SAMD7: variants seen among roughly 807,000 people sequenced by gnomAD.
The protein encoded by SAMD7 is sterile alpha motif domain containing 7, also known as sterile alpha motif domain-containing protein 7.
SAMD7 carries 34 observed loss-of-function variants against 36.7 expected under a neutral mutation model. The ratio of observed to expected loss-of-function variants is 0.93; its 90% CI spans 0.71 to 1.23. The LOEUF (loss-of-function observed/expected upper bound fraction) is 1.23. SAMD7 is among the 50% of genes most tolerant of loss of function. SAMD7 has a pLI of 0.00. For synonymous variants in SAMD7, 188 were observed against 189.7 expected, an observed-to-expected ratio of 0.99 and a Z score of 0.07; for missense variants, 570 against 546.6, an observed-to-expected ratio of 1.04 and a Z score of -0.43.
chr3:169,932,981 TC>T (rs1163528003), intron 7 of SAMD7: 12 of 712,822 alleles, frequency 1.7e-5, no homozygotes, highest in South Asian at 2.8e-5. Context: ...AAGCATTCTT[TC>T]CCCCCCTCTA....
In SAMD7 at chr3:169,926,610, CA is replaced by C; in HGVS notation, c.350del (p.Lys117ArgfsTer3). The C allele has an allele frequency of 6.2e-7, 1 of 1,613,430 alleles. No individual in the cohort carries two copies. The highest frequency in any genetic ancestry group is 8.5e-7 in the Non-Finnish European group (1 of 1,179,728). On this transcript the variant is annotated frameshift_variant, in exon 6 of 9. Coordinates refer to ENST00000335556, the MANE Select transcript of SAMD7 (RefSeq NM_001304366.2). LOFTEE classifies it high-confidence loss of function. Reference sequence around the variant, plus strand: ...AAAGGAGAATGGAAAAAATTAATCCCAAGGGACTAGCAGGCCTAGGGATACC... The same window carrying C: ...AAAGGAGAATGGAAAAAATTAATCCCAGGGACTAGCAGGCCTAGGGATACC... ...QQRRMEKINP[K>X]GLAGLGIPFL...
At chr3:169,914,198 G>A (rs1463601166) in intron 1 of SAMD7, among the ~76,000 whole-genome samples, 1 of 152,174 alleles carries the variant, frequency 6.6e-6, no homozygotes, top group African/African-American at 2.4e-5. Context: ...GTGCATGTGT[G>A]TGTTGGGGGA....
At chr3:169,934,475 A>G (rs1034133892) in intron 7 of SAMD7, among the ~76,000 whole-genome samples, 4 of 152,208 alleles carry the variant, frequency 2.6e-5, no homozygotes, top group African/African-American at 7.2e-5. Context: ...GATCAATCAC[A>G]GTACCTGGTT....
intron 5 of SAMD7, 79 bp downstream of exon 5, chr3:169,925,215 A>G: frequency 8.7e-6 from 7 of 800,016 alleles, no homozygotes; most frequent in African/African-American, 1.7e-5. Flanking sequence ...CATATAACAA[A>G]TGAATAGATG....
intron 7 of SAMD7, among the ~76,000 whole-genome samples, chr3:169,934,530 A>G (rs1713645973): frequency 6.6e-6 from 1 of 152,140 alleles, no homozygotes; most frequent in Admixed American, 6.5e-5. Flanking sequence ...GGTAGGAAAG[A>G]TAGTCTGGAA....
chr3:169,921,407 C>A lies in SAMD7; in HGVS notation c.211+69C>A, dbSNP rs543005772. On this transcript the variant is annotated intron_variant, in intron 4 of 8. Coordinates refer to ENST00000335556, the MANE Select transcript of SAMD7 (RefSeq NM_001304366.2). ...GAACTGGATGGATGCATTAAGTTTG[C>A]CATCAAATTACTCCTAAATTTTGGA... 1.1e-5 allele frequency: 17 copies of A among 1,507,324 alleles called. No individual in the cohort carries two copies. The Admixed American group carries it at 1.9e-4, about 17-fold the overall frequency. 93.4% of individuals were successfully genotyped at this position (1,507,324 alleles called of 1,614,324 possible). A position where few individuals can be genotyped will look rare whatever the true frequency, so the allele number is the denominator to read the frequency against.
chr3:169,927,502 G>A (rs988347208), intron 6 of SAMD7, among the ~76,000 whole-genome samples: 1 of 151,694 alleles, frequency 6.6e-6, no homozygotes, highest in African/African-American at 2.4e-5. Flanking sequence ...TCACCATGTT[G>A]GCCAGGATGG....
At chr3:169,918,557 T>A (rs1475946614) in intron 2 of SAMD7, among the ~76,000 whole-genome samples, 1 of 152,228 alleles carries the variant, frequency 6.6e-6, no homozygotes, top group Non-Finnish European at 1.5e-5. Flanking sequence ...AAAAATGTTA[T>A]CCCTTTAACA....
At chr3:169,917,630 T>TTTATTTA (rs1712865010) in intron 2 of SAMD7, among the ~76,000 whole-genome samples, 1 of 149,606 alleles carries the variant, frequency 6.7e-6, no homozygotes, top group South Asian at 2.1e-4. Flanking sequence ...TGTTTGTTTA[T>TTTATTTA]TTATTTATTT....
At chr3:169,915,780 G>A (rs1712772405) in intron 2 of SAMD7, among the ~76,000 whole-genome samples, 1 of 151,654 alleles carries the variant, frequency 6.6e-6, no homozygotes, top group Non-Finnish European at 1.5e-5. Context: ...GTTTCACCAT[G>A]TTGGCCAGGC....
At chr3:169,924,881 C>T (rs953572435) in intron 4 of SAMD7, among the ~76,000 whole-genome samples, 177 bp from the exon 5 acceptor site, 5 of 151,036 alleles carry the variant, frequency 3.3e-5, no homozygotes, top group African/African-American at 4.9e-5. Context: ...CTGTCACCAA[C>T]GTGACTCTAA....
intron 7 of SAMD7, among the ~76,000 whole-genome samples, chr3:169,929,726 G>A (rs1490433725): frequency 6.6e-6 from 1 of 152,160 alleles, no homozygotes; most frequent in Non-Finnish European, 1.5e-5. Flanking sequence ...ATGGCACCTT[G>A]TAAATACTCA....
At chr3:169,937,202 G>A (rs1713750519) in intron 8 of SAMD7, among the ~76,000 whole-genome samples, 1 of 151,946 alleles carries the variant, frequency 6.6e-6, no homozygotes. Flanking sequence ...ACTCCATCCT[G>A]GTCTCAGGCA....
intron 2 of SAMD7, among the ~76,000 whole-genome samples, chr3:169,916,308 T>G (rs1490885677): frequency 1.3e-5 from 2 of 152,172 alleles, no homozygotes; most frequent in Non-Finnish European, 2.9e-5. Flanking sequence ...GGATAAAGTT[T>G]CTTTTATGCT....
chr3:169,927,564 G>A (rs1166188609), intron 6 of SAMD7, among the ~76,000 whole-genome samples: 1 of 151,792 alleles, frequency 6.6e-6, no homozygotes, highest in African/African-American at 2.4e-5. Context: ...CAAAGTGCTG[G>A]GATTACAGGC....
In SAMD7 at chr3:169,938,318, G is replaced by C; in HGVS notation, c.1153G>C (p.Val385Leu). Reference sequence around the variant, plus strand: ...TACTATAATTATTTTGTCTTAAAAGGTATCTCAGCATGTGGGAAGTATGTT... The same window carrying C: ...TACTATAATTATTTTGTCTTAAAAGCTATCTCAGCATGTGGGAAGTATGTT... ...LGPALKIQSQ[V>L]SQHVGSMFYK... Residue 385 changes from valine (V) to leucine (L), a missense_variant and splice_region_variant, in exon 9 of 9, where the codon GTA (valine) becomes CTA (leucine). Physicochemically the swap from Val to Leu is conservative, Grantham distance 32. Transcript: ENST00000335556. 1 of 1,590,090 alleles carries C rather than the reference G, an allele frequency of 6.3e-7. No individual in the cohort carries two copies. The highest frequency in any genetic ancestry group is 8.6e-7 in the Non-Finnish European group (1 of 1,162,986).
In SAMD7 at chr3:169,927,134, A is replaced by G; in HGVS notation, c.872A>G (p.Asp291Gly). ...TCGGAGCAGATTTTTGCAACCTGTGATGAAAAGAATGGGGTTTGCCCTCCA... is the reference window on the plus strand; with the variant it reads ...TCGGAGCAGATTTTTGCAACCTGTGGTGAAAAGAATGGGGTTTGCCCTCCA... ...EASEQIFATC[D>G]EKNGVCPPVP... Residue 291 changes from aspartate (D) to glycine (G), a missense_variant, in exon 6 of 9, where the codon GAT becomes GGT. Transcript: ENST00000335556. The G allele has an allele frequency of 6.4e-7, 1 of 1,565,018 alleles. No individual in the cohort carries two copies. Among genetic ancestry groups the G allele is most frequent in the Non-Finnish European group, 8.6e-7 (1 of 1,162,060 alleles).
At chr3:169,924,588 A>G (rs537976788) in intron 4 of SAMD7, among the ~76,000 whole-genome samples, 4 of 152,242 alleles carry the variant, frequency 2.6e-5, no homozygotes, top group East Asian at 3.9e-4. Context: ...CTCTGTCTCA[A>G]AAAAAAGGAT....
At position 169,917,292 on chromosome 3, in the gene SAMD7, A is replaced by T. The variant is rs1294507778; in HGVS notation, c.-42+1851A>T. 2.0e-5 allele frequency among the ~76,000 whole-genome samples: 3 copies of T among 152,224 alleles called. No homozygotes were observed. In the East Asian group the frequency reaches 5.8e-4, roughly 29 times the overall value. On this transcript the variant is annotated intron_variant, in intron 2 of 8. Coordinates refer to ENST00000335556, the MANE Select transcript of SAMD7 (RefSeq NM_001304366.2). ...ATTTTAAAAATTAAATCAAACACAC[A>T]ATTTAATCAAATACACACAAGGAAA...
Sources: allele counts gnomAD v4.1 joint callset (sites outside exome capture counted in the v4.1 genomes callset), GRCh38; gene constraint gnomAD v4.1.1; transcripts MANE v1.5; gene names NCBI Gene and HGNC (gene_info 2026-07-23, HGNC 2026-07-21).